Variants in GALNT13 observed in about 807,000 individuals in gnomAD.
The protein encoded by GALNT13 is polypeptide N-acetylgalactosaminyltransferase 13.
A neutral mutation model predicts 64.2 loss-of-function variants in GALNT13; 28 were observed. The observed-to-expected ratio is 0.44, with a 90% confidence interval of 0.32 to 0.60. The LOEUF (loss-of-function observed/expected upper bound fraction) is 0.60. Ranked by LOEUF, GALNT13 falls within the 20% of genes least tolerant of loss-of-function variation. The pLI, the probability that GALNT13 is intolerant of heterozygous loss-of-function variation, is 0.05. For synonymous variants in GALNT13, 214 were observed against 224.6 expected (o/e 0.95, Z 0.42); for missense variants, 577 against 669.8 (o/e 0.86, Z 1.53).
At chr2:153,115,537 G>T in the GALNT13 span, among the ~76,000 whole-genome samples, 1 of 152,188 alleles carries the variant, frequency 6.6e-6, no homozygotes, top group South Asian at 2.1e-4. Context: ...ATCATTGTCG[G>T]TATTTCCTTT....
the GALNT13 span, among the ~76,000 whole-genome samples, chr2:153,303,267 A>C: frequency 2.0e-5 from 3 of 152,016 alleles, no homozygotes; most frequent in African/African-American, 7.2e-5. Context: ...CTCCTTGGTG[A>C]AATTTGCTCC....
At chr2:154,036,165 A>G (rs905782147) in intron 3 of GALNT13, among the ~76,000 whole-genome samples, 17 of 152,076 alleles carry the variant, frequency 1.1e-4, no homozygotes, top group Non-Finnish European at 5.9e-5. Context: ...TGTCCGAGTT[A>G]AGAAATACTG....
intron 8 of GALNT13, among the ~76,000 whole-genome samples, chr2:154,283,941 G>T (rs1018953864): frequency 7.2e-5 from 11 of 152,126 alleles, no homozygotes; most frequent in African/African-American, 2.7e-4. Context: ...TGATAGGGAG[G>T]ACATAATAGG....
chr2:153,751,467 C>G, the GALNT13 span, among the ~76,000 whole-genome samples: 1 of 151,620 alleles, frequency 6.6e-6, no homozygotes, highest in Non-Finnish European at 1.5e-5. Flanking sequence ...GCCTATCTCT[C>G]TCTTTAGTTC....
the GALNT13 span, among the ~76,000 whole-genome samples, chr2:153,443,057 G>A: frequency 7.2e-5 from 11 of 152,094 alleles, no homozygotes; most frequent in African/African-American, 9.7e-5. Flanking sequence ...GGGAGTGAAC[G>A]GTTTTGTCTC....
the GALNT13 span, among the ~76,000 whole-genome samples, chr2:153,591,458 T>C: frequency 7.9e-5 from 12 of 152,064 alleles, no homozygotes; most frequent in Non-Finnish European, 1.5e-4. Flanking sequence ...AATTGTAACA[T>C]TTATATGGAA....
At chr2:154,311,408 G>A (rs558447053) in intron 9 of GALNT13, among the ~76,000 whole-genome samples, 67 of 152,164 alleles carry the variant, frequency 4.4e-4, no homozygotes, top group Admixed American at 1.6e-3. Flanking sequence ...TGCCCCACAA[G>A]CCACAAAAAC....
chr2:153,650,882 C>T, the GALNT13 span, among the ~76,000 whole-genome samples: 20 of 151,866 alleles, frequency 1.3e-4, no homozygotes, highest in South Asian at 6.2e-4. Context: ...AAAACTTGGT[C>T]GTGATGTACC....
the GALNT13 span, chr2:153,423,471 T>G: frequency 6.6e-6 from 1 of 151,946 alleles, no homozygotes; most frequent in Non-Finnish European, 1.5e-5. Flanking sequence ...TGCCTTCTTC[T>G]ATTCATCATT....
intron 9 of GALNT13, among the ~76,000 whole-genome samples, chr2:154,329,167 G>T (rs539139152): frequency 6.6e-6 from 1 of 152,030 alleles, no homozygotes; most frequent in East Asian, 1.9e-4. Flanking sequence ...GTGCAATGGC[G>T]CAATCTCGGC....
At chr2:153,210,191 G>C in the GALNT13 span, among the ~76,000 whole-genome samples, 1 of 152,052 alleles carries the variant, frequency 6.6e-6, no homozygotes, top group Non-Finnish European at 1.5e-5. Flanking sequence ...TTATGGCTTA[G>C]TTTAGGACCT....
At chr2:153,675,312 A>G in the GALNT13 span, among the ~76,000 whole-genome samples, 1 of 152,256 alleles carries the variant, frequency 6.6e-6, no homozygotes, top group Admixed American at 6.5e-5. Flanking sequence ...TTCATCAATA[A>G]TAGACTGGAT....
At chr2:153,613,686 C>T in the GALNT13 span, among the ~76,000 whole-genome samples, 12 of 152,188 alleles carry the variant, frequency 7.9e-5, no homozygotes, top group African/African-American at 2.6e-4. Context: ...CAAGTGTTCT[C>T]ATTGTTTAAT....
chr2:153,362,113 G>A, the GALNT13 span, among the ~76,000 whole-genome samples: 138 of 152,150 alleles, frequency 9.1e-4, 1 homozygote, highest in African/African-American at 2.9e-3. Flanking sequence ...TTTATATCCC[G>A]TCAAACTAAG....
At chr2:153,880,954 TAAAAC>T (rs767897625) in intron 1 of GALNT13, among the ~76,000 whole-genome samples, 129 of 152,096 alleles carry the variant, frequency 8.5e-4, no homozygotes, top group Non-Finnish European at 1.4e-3. Context: ...TTGATTCTGG[TAAAAC>T]AAAACAAAAC....
At chr2:154,079,926 C>A (rs74431697) in intron 3 of GALNT13, among the ~76,000 whole-genome samples, 1 of 151,502 alleles carries the variant, frequency 6.6e-6, no homozygotes, top group East Asian at 1.9e-4. Flanking sequence ...ACATTTTATT[C>A]TTTTGTTTAT....
rs1701961408 is a variant in GALNT13, at chr2:154,453,739, TAATG to T, written c.*3191_*3194del. On this transcript the variant is annotated 3_prime_UTR_variant, in exon 13 of 13. Coordinates refer to ENST00000392825, the MANE Select transcript of GALNT13 (RefSeq NM_052917.4). ...TATATTCTCTAAATATTTCTTGAAT[TAATG>T]AACTGAAAAATGTGTGTTAAAGTTG... The T allele has an allele frequency of 1.3e-5, 2 of 152,198 alleles. No homozygotes were observed. Among genetic ancestry groups the T allele is most frequent in the Non-Finnish European group, 2.9e-5 (2 of 68,024 alleles). The allele number at this position is 152,198 out of a possible 1,614,324, so 9.4% of individuals were successfully genotyped here.
Position 154,200,521 on chromosome 2 carries a change from G to C in GALNT13, c.312-41509G>C, listed in dbSNP as rs968525351. On this transcript the variant is annotated intron_variant, in intron 4 of 12. Transcript: ENST00000392825. Reference sequence around the variant, plus strand: ...ATTTCTCACCTTTGGAACTTGGGAAGTTGAAGATCAAGGTGCTGTCAGGTT... The same window carrying C: ...ATTTCTCACCTTTGGAACTTGGGAACTTGAAGATCAAGGTGCTGTCAGGTT... 2.4e-4 allele frequency among the ~76,000 whole-genome samples: 36 copies of C among 152,126 alleles called. 1 individual carries two copies. Among genetic ancestry groups the C allele is most frequent in the Admixed American group, 2.4e-3 (36 of 15,266 alleles).
At chr2:154,357,005 T>C (rs973601497) in intron 9 of GALNT13, among the ~76,000 whole-genome samples, 3 of 151,960 alleles carry the variant, frequency 2.0e-5, no homozygotes, top group Non-Finnish European at 2.9e-5. Flanking sequence ...GAAGATTGAT[T>C]GAAATGAAAT....
Sources: allele counts gnomAD v4.1 joint callset (sites outside exome capture counted in the v4.1 genomes callset), GRCh38; gene constraint gnomAD v4.1.1; transcripts MANE v1.5; gene names NCBI Gene and HGNC (gene_info 2026-07-23, HGNC 2026-07-21).